Variants in SLC7A6OS observed in about 807,000 individuals in gnomAD.
SLC7A6OS encodes probable RNA polymerase II nuclear localization protein SLC7A6OS.
SLC7A6OS carries 22 observed loss-of-function variants against 34.3 expected under a neutral mutation model. That is an observed-to-expected ratio of 0.64 (90% CI 0.46 to 0.92). The LOEUF is 0.92. SLC7A6OS is among the 40% of genes least tolerant of loss of function. SLC7A6OS has a pLI of 0.00. For missense variants in SLC7A6OS, 434 were observed against 407.7 expected, an observed-to-expected ratio of 1.06 and a Z score of -0.56; for synonymous variants, 199 against 165.0, an observed-to-expected ratio of 1.21 and a Z score of -1.58.
rs1168111611 is a variant in SLC7A6OS at position 68,304,295 on chromosome 16, G to A, written c.472-63C>T. On this transcript the variant is annotated intron_variant, in intron 2 of 4. Transcript: ENST00000263997. ...CCAAAACATGATGTTCCAAGAGGAG[G>A]AACCTATGAGTTGGGTGAAGGAAGG... The A allele has an allele frequency of 4.1e-6, 6 of 1,455,608 alleles. No homozygotes were observed. In the East Asian group the frequency reaches 1.1e-4, roughly 28 times the overall value. 90.2% of individuals were successfully genotyped at this position (1,455,608 alleles called of 1,614,324 possible).
rs1007272786 is a variant in SLC7A6OS at position 68,299,621 on chromosome 16, T to C, written c.*1654A>G. Reference sequence around the variant, plus strand: ...TTATTAAGTTGTCAGCCCTTTAATATTGGGGAAACTTAATGAGTATAAATA... The same window carrying C: ...TTATTAAGTTGTCAGCCCTTTAATACTGGGGAAACTTAATGAGTATAAATA... On this transcript the variant is annotated 3_prime_UTR_variant, in exon 5 of 5. Coordinates refer to ENST00000263997, the MANE Select transcript of SLC7A6OS (RefSeq NM_032178.3). 16 of 152,208 alleles carry C rather than the reference T, an allele frequency of 1.1e-4. No homozygotes were observed. The highest frequency in any genetic ancestry group is 2.9e-4 in the African/African-American group (12 of 41,454). The allele number at this position is 152,208 out of a possible 1,614,324, so 9.4% of individuals were successfully genotyped here.
intron 3 of SLC7A6OS, chr16:68,303,578 G>A (rs1342906582): frequency 6.1e-5 from 10 of 164,042 alleles, no homozygotes; most frequent in African/African-American, 1.5e-4. Flanking sequence ...GTGAGACCTT[G>A]TCTCAAAAAA....
chr16:68,305,743 CTCAG>C (rs1360614227), intron 2 of SLC7A6OS, among the ~76,000 whole-genome samples: 1 of 152,230 alleles, frequency 6.6e-6, no homozygotes, highest in Non-Finnish European at 1.5e-5. Flanking sequence ...AGTCCCTCCA[CTCAG>C]TCAAATTATG....
rs113477098 is a variant in SLC7A6OS, at chr16:68,301,112, A to G, written c.*163T>C. 3.4e-5 allele frequency: 46 copies of G among 1,358,166 alleles called. No homozygotes were observed. Among genetic ancestry groups the G allele is most frequent in the Non-Finnish European group, 3.3e-5 (35 of 1,052,054 alleles). The allele number at this position is 1,358,166 out of a possible 1,614,324, so 84.1% of individuals were successfully genotyped here. ...AGTGGAAAAGACTCACTCCCCTAAC[A>G]TAAGTTTTCACTGTGGTGGGATGGT... On this transcript the variant is annotated 3_prime_UTR_variant, in exon 5 of 5. Coordinates refer to ENST00000263997, the MANE Select transcript of SLC7A6OS (RefSeq NM_032178.3).
At chr16:68,302,205 C>T (rs2043288193) in intron 4 of SLC7A6OS, 176 bp downstream of exon 4, 4 of 668,696 alleles carry the variant, frequency 6.0e-6, no homozygotes, top group Non-Finnish European at 1.0e-5. Context: ...ATTACACCCC[C>T]AGGAGGCCCC....
intron 2 of SLC7A6OS, among the ~76,000 whole-genome samples, chr16:68,310,045 G>A (rs74981701): frequency 0.023 from 3,462 of 152,158 alleles, 154 homozygotes; most frequent in African/African-American, 0.078. Context: ...TTGTCTCCCC[G>A]CCTCCTTACA....
rs1212920568 is a variant in SLC7A6OS at position 68,310,837 on chromosome 16, G to C, written c.90C>G (p.Leu30=). 5 of 1,613,578 alleles carry C rather than the reference G, an allele frequency of 3.1e-6. No homozygotes were observed. The East Asian group carries it at 1.1e-4, about 36-fold the overall frequency. The change falls in exon 1 of 5, where the codon CTC becomes CTG. Residue 30 remains leucine, a synonymous_variant. Transcript: ENST00000263997. ...CCGCTGACTCGACCGCGTCGCTCCG[G>C]AGGCGTTTACAAGCGAGCACAAGAG... ...AEALVLACKR[L]RSDAVESAAQ...
chr16:68,302,903 G>C (rs2043295663), intron 3 of SLC7A6OS, among the ~76,000 whole-genome samples: 1 of 152,264 alleles, frequency 6.6e-6, no homozygotes, highest in South Asian at 2.1e-4. Flanking sequence ...AGGATGCAGT[G>C]CTTCTTGATT....
intron 2 of SLC7A6OS, among the ~76,000 whole-genome samples, chr16:68,306,158 T>C (rs2043325103): frequency 6.6e-6 from 1 of 152,226 alleles, no homozygotes; most frequent in Admixed American, 6.5e-5. Context: ...GGGTTGATGG[T>C]AAAATGGGAG....
chr16:68,301,757 G>T (rs2043281016), intron 4 of SLC7A6OS: 1 of 167,648 alleles, frequency 6.0e-6, no homozygotes, highest in Non-Finnish European at 1.3e-5. Context: ...CTCCCCAAAA[G>T]AATATGCAAT....
Position 68,302,495 on chromosome 16 carries a change from C to A in SLC7A6OS, c.685G>T (p.Asp229Tyr). 1 of 1,614,172 alleles carries A rather than the reference C, an allele frequency of 6.2e-7. No individual in the cohort carries two copies. The stretch of plus-strand genomic sequence containing the variant: ...TAAATGTCCTCTGGTTCTTGATCAT[C>A]ATTCACCTACACATCTCAACACAAA... Reference protein sequence around the residue: ...PYSQEWELVNDDQEPEDIYDD... With the variant: ...PYSQEWELVNYDQEPEDIYDD... The change falls in exon 4 of 5, where the codon GAT becomes TAT. Residue 229 changes from aspartate to tyrosine, a missense_variant. Coordinates refer to ENST00000263997, the MANE Select transcript of SLC7A6OS (RefSeq NM_032178.3).
intron 2 of SLC7A6OS, among the ~76,000 whole-genome samples, chr16:68,310,108 T>G (rs1314724393): frequency 6.6e-6 from 1 of 152,210 alleles, no homozygotes; most frequent in African/African-American, 2.4e-5. Flanking sequence ...TCTGTCTACC[T>G]GCATGTTAGG....
At position 68,300,456 on chromosome 16, in the gene SLC7A6OS, G is replaced by C. The variant is rs1156678433; in HGVS notation, c.*819C>G. The C allele has an allele frequency of 4.6e-6, 1 of 219,480 alleles. No homozygotes were observed. The highest frequency in any genetic ancestry group is 7.7e-6 in the Non-Finnish European group (1 of 129,828). 13.6% of individuals were successfully genotyped at this position (219,480 alleles called of 1,614,324 possible). ...GTTTTTGTGGTGGGTGCTGTGAAGA[G>C]TAAACATTACTCAGTGGAAAGCTAA... On this transcript the variant is annotated 3_prime_UTR_variant, in exon 5 of 5. Transcript: ENST00000263997.
chr16:68,300,575 T>C lies in SLC7A6OS; in HGVS notation c.*700A>G, dbSNP rs1255745626. 1.0e-6 allele frequency: 1 copy of C among 967,866 alleles called. No homozygotes were observed. The highest frequency in any genetic ancestry group is 1.2e-6 in the Non-Finnish European group (1 of 814,056). The allele number at this position is 967,866 out of a possible 1,614,324, so 60.0% of individuals were successfully genotyped here. On this transcript the variant is annotated 3_prime_UTR_variant, in exon 5 of 5. Transcript: ENST00000263997. ...TCTATTTCACTACCGCTCCCTGTTT[T>C]AGATATTCAGATTTAAAAGGTTTTC...
At position 68,300,455 on chromosome 16, in the gene SLC7A6OS, AG is replaced by A; in HGVS notation, c.*819del. The A allele has an allele frequency of 4.8e-6, 1 of 208,598 alleles. No homozygotes were observed. Among genetic ancestry groups the A allele is most frequent in the Non-Finnish European group, 8.3e-6 (1 of 119,806 alleles). 12.9% of individuals were successfully genotyped at this position (208,598 alleles called of 1,614,324 possible). A position where few individuals can be genotyped will look rare whatever the true frequency, so the allele number is the denominator to read the frequency against. ...TGTTTTTGTGGTGGGTGCTGTGAAG[AG>A]TAAACATTACTCAGTGGAAAGCTAA... On this transcript the variant is annotated 3_prime_UTR_variant, in exon 5 of 5. Coordinates refer to ENST00000263997, the MANE Select transcript of SLC7A6OS (RefSeq NM_032178.3).
chr16:68,301,114 A>C lies in SLC7A6OS; in HGVS notation c.*161T>G. ...TGGAAAAGACTCACTCCCCTAACATAAGTTTTCACTGTGGTGGGATGGTGC... is the reference window on the plus strand; with the variant it reads ...TGGAAAAGACTCACTCCCCTAACATCAGTTTTCACTGTGGTGGGATGGTGC... On this transcript the variant is annotated 3_prime_UTR_variant, in exon 5 of 5. Transcript: ENST00000263997. 2.2e-6 allele frequency: 3 copies of C among 1,359,196 alleles called. No homozygotes were observed. The highest frequency in any genetic ancestry group is 2.0e-5 in the South Asian group (1 of 48,890). 84.2% of individuals were successfully genotyped at this position (1,359,196 alleles called of 1,614,324 possible).
chr16:68,302,468 C>T lies in SLC7A6OS; in HGVS notation c.712G>A (p.Asp238Asn), dbSNP rs139226067. 2.0e-5 allele frequency: 33 copies of T among 1,614,038 alleles called. No homozygotes were observed. Among genetic ancestry groups the T allele is most frequent in the Non-Finnish European group, 2.5e-5 (30 of 1,180,018 alleles). The change falls in exon 4 of 5, where the codon GAC becomes AAC. Residue 238 changes from aspartate (D) to asparagine (N), a missense_variant. Transcript: ENST00000263997. Reference sequence around the variant, plus strand: ...TCACTGTTCTCGTCATCTTCATCGTCGTAAATGTCCTCTGGTTCTTGATCA... The same window carrying T: ...TCACTGTTCTCGTCATCTTCATCGTTGTAAATGTCCTCTGGTTCTTGATCA... ...NDDQEPEDIY[D>N]DEDDENSENN...
Position 68,301,288 on chromosome 16 carries a change from AG to A in SLC7A6OS, c.916del (p.Leu306TrpfsTer33). The A allele has an allele frequency of 6.2e-7, 1 of 1,614,082 alleles. No individual in the cohort carries two copies. Among genetic ancestry groups the A allele is most frequent in the Non-Finnish European group, 8.5e-7 (1 of 1,179,950 alleles). ...KEFGYDSPHD[L>X]DSD ...ATCACAAGACCATCAGTCTGAATCC[AG>A]GTCGTGGGGGCTGTCATAGCCGAAC... On this transcript the variant is annotated frameshift_variant, in exon 5 of 5. Coordinates refer to ENST00000263997, the MANE Select transcript of SLC7A6OS (RefSeq NM_032178.3). LOFTEE classifies it high-confidence loss of function.
rs755893614 is a variant in SLC7A6OS, at chr16:68,299,529, C to G, written c.*1746G>C. On this transcript the variant is annotated 3_prime_UTR_variant, in exon 5 of 5. Coordinates refer to ENST00000263997, the MANE Select transcript of SLC7A6OS (RefSeq NM_032178.3). ...ATGGTGGAATTAATTTCTGCCAGCT[C>G]TTTGTTGTCTGTCTCCTTAAATCCT... is the stretch of plus-strand genomic sequence containing the variant. The G allele has an allele frequency of 2.0e-5, 3 of 152,502 alleles. No individual in the cohort carries two copies. Among genetic ancestry groups the G allele is most frequent in the Non-Finnish European group, 4.4e-5 (3 of 68,050 alleles). The allele number at this position is 152,502 out of a possible 1,614,324, so 9.4% of individuals were successfully genotyped here.
Sources: gnomAD v4.1 joint callset for allele counts (sites outside exome capture counted in the v4.1 genomes callset) on GRCh38, gnomAD v4.1.1 for gene constraint, MANE v1.5 for transcripts, NCBI Gene and HGNC (gene_info 2026-07-23, HGNC 2026-07-21) for gene names.